Variants in PPFIA2 observed in about 807,000 individuals in gnomAD.
PPFIA2 encodes the protein liprin-alpha-2.
A neutral mutation model predicts 175.5 loss-of-function variants in PPFIA2; 46 were observed. That is an observed-to-expected ratio of 0.26 (90% CI 0.21 to 0.34). PPFIA2 has a LOEUF of 0.34. PPFIA2 is among the 10% of genes least tolerant of loss of function. The pLI, the probability that PPFIA2 is intolerant of heterozygous loss-of-function variation, is 1.00. For synonymous variants in PPFIA2, 568 were observed against 511.4 expected (o/e 1.11, Z -1.49); for missense variants, 1,179 against 1,506.1 (o/e 0.78, Z 3.60).
chr12:81,649,953 A>T (rs1444936987), intron 4 of PPFIA2, among the ~76,000 whole-genome samples: 1 of 152,132 alleles, frequency 6.6e-6, no homozygotes, highest in Non-Finnish European at 1.5e-5. Context: ...ATTGATTGTC[A>T]TGGTGATTAA....
intron 4 of PPFIA2, among the ~76,000 whole-genome samples, chr12:81,642,702 A>ATGTATATATTATATACATACACGTG (rs1567687280): frequency 0.064 from 474 of 7,394 alleles, 171 homozygotes; most frequent in Non-Finnish European, 0.14. Flanking sequence ...ACATACATGT[A>ATGTATATATTATATACATACACGTG]TATGTATGTA....
At position 81,436,173 on chromosome 12, in the gene PPFIA2, C is replaced by T. The variant is rs1350410261; in HGVS notation, c.645+3799G>A. Among the ~76,000 whole-genome samples, 4 of 150,534 alleles carry T rather than the reference C, an allele frequency of 2.7e-5. No homozygotes were observed. The East Asian group carries it at 5.9e-4, about 22-fold the overall frequency. Reference sequence around the variant, plus strand: ...GCATGCAACTGTAGTCCCAGCTACTCGTAAGGCTGAGGCTTGAGGATCACC... The same window carrying T: ...GCATGCAACTGTAGTCCCAGCTACTTGTAAGGCTGAGGCTTGAGGATCACC... On this transcript the variant is annotated intron_variant, in intron 7 of 32. Transcript: ENST00000549396.
intron 3 of PPFIA2, among the ~76,000 whole-genome samples, chr12:81,697,991 T>C (rs1039304269): frequency 1.3e-5 from 2 of 152,146 alleles, no homozygotes; most frequent in Admixed American, 6.6e-5. Context: ...CAGACACATT[T>C]GTTGAGCAAT....
intron 4 of PPFIA2, among the ~76,000 whole-genome samples, chr12:81,524,309 A>T (rs2063496153): frequency 6.6e-6 from 1 of 152,156 alleles, no homozygotes; most frequent in African/African-American, 2.4e-5. Flanking sequence ...GGATGCCTGG[A>T]GCCCTGGAGC....
chr12:81,731,576 C>T (rs1356023813), intron 3 of PPFIA2, among the ~76,000 whole-genome samples: 1 of 151,540 alleles, frequency 6.6e-6, no homozygotes, highest in Non-Finnish European at 1.5e-5. Flanking sequence ...TTTAAAGACA[C>T]TTCAGTTAAT....
intron 7 of PPFIA2, among the ~76,000 whole-genome samples, chr12:81,437,897 T>C (rs2049376943): frequency 6.6e-6 from 1 of 151,852 alleles, no homozygotes; most frequent in South Asian, 2.1e-4. Context: ...GGTTCTTTTC[T>C]TCTATGATGA....
intron 8 of PPFIA2, among the ~76,000 whole-genome samples, chr12:81,403,739 T>C (rs946943159): frequency 6.6e-6 from 1 of 152,142 alleles, no homozygotes; most frequent in Non-Finnish European, 1.5e-5. Context: ...CCAGTAAGCA[T>C]GTATAGGACT....
At chr12:81,475,667 G>T (rs1318877556) in intron 4 of PPFIA2, among the ~76,000 whole-genome samples, 1 of 152,132 alleles carries the variant, frequency 6.6e-6, no homozygotes, top group African/African-American at 2.4e-5. Context: ...TATGAATCAA[G>T]GACTACTTTA....
At chr12:81,480,160 A>C (rs994395233) in intron 4 of PPFIA2, among the ~76,000 whole-genome samples, 5 of 151,964 alleles carry the variant, frequency 3.3e-5, no homozygotes, top group Admixed American at 3.3e-4. Context: ...CATTAAGTTA[A>C]TCTTCAATCT....
At chr12:81,564,092 C>A (rs1315910829) in intron 4 of PPFIA2, among the ~76,000 whole-genome samples, 1 of 152,096 alleles carries the variant, frequency 6.6e-6, no homozygotes, top group Non-Finnish European at 1.5e-5. Flanking sequence ...TCAAACATCA[C>A]ACACTCATTT....
intron 4 of PPFIA2, among the ~76,000 whole-genome samples, chr12:81,623,073 C>A (rs2062250574): frequency 6.6e-6 from 1 of 152,020 alleles, no homozygotes; most frequent in Non-Finnish European, 1.5e-5. Context: ...TGACTATTCT[C>A]TTCCATAACT....
intron 6 of PPFIA2, among the ~76,000 whole-genome samples, chr12:81,441,968 A>C (rs1190972656): frequency 6.6e-6 from 1 of 152,128 alleles, no homozygotes; most frequent in African/African-American, 2.4e-5. Flanking sequence ...AGTCATTCGC[A>C]TAATATAAGA....
intron 8 of PPFIA2, among the ~76,000 whole-genome samples, chr12:81,396,657 A>G (rs2041188473): frequency 6.6e-6 from 1 of 152,114 alleles, no homozygotes; most frequent in South Asian, 2.1e-4. Context: ...AAAATATCAC[A>G]TGCACCATAT....
At chr12:81,357,001 A>C (rs2060962331) in intron 16 of PPFIA2, among the ~76,000 whole-genome samples, 1 of 152,208 alleles carries the variant, frequency 6.6e-6, no homozygotes, top group Non-Finnish European at 1.5e-5. Context: ...GAGGAGGCTG[A>C]GCATAAAAGA....
chr12:81,721,641 C>T (rs2079361499), intron 3 of PPFIA2, among the ~76,000 whole-genome samples: 1 of 151,236 alleles, frequency 6.6e-6, no homozygotes, highest in Admixed American at 6.6e-5. Flanking sequence ...GCTAATTCAA[C>T]CTGAGAGTGA....
intron 4 of PPFIA2, among the ~76,000 whole-genome samples, chr12:81,525,616 C>A (rs2063643893): frequency 6.6e-6 from 1 of 152,002 alleles, no homozygotes; most frequent in African/African-American, 2.4e-5. Context: ...GCAGAAGACT[C>A]ACCTAGATTG....
At chr12:81,504,797 T>C (rs911443092) in intron 4 of PPFIA2, among the ~76,000 whole-genome samples, 1 of 152,138 alleles carries the variant, frequency 6.6e-6, no homozygotes, top group African/African-American at 2.4e-5. Flanking sequence ...ATATATACCA[T>C]GGAATACTAT....
intron 4 of PPFIA2, among the ~76,000 whole-genome samples, chr12:81,519,010 T>C (rs1037485420): frequency 1.3e-5 from 2 of 152,174 alleles, no homozygotes; most frequent in African/African-American, 4.8e-5. Context: ...GAAAAATCAA[T>C]TGTGTAAAGC....
chr12:81,332,661 T>C (rs922079583), intron 21 of PPFIA2, among the ~76,000 whole-genome samples: 5 of 152,216 alleles, frequency 3.3e-5, no homozygotes, highest in African/African-American at 1.2e-4. Flanking sequence ...TGAATAATCG[T>C]ATTTTTAATT....
Sources: gnomAD v4.1 joint callset for allele counts (sites outside exome capture counted in the v4.1 genomes callset) on GRCh38, gnomAD v4.1.1 for gene constraint, MANE v1.5 for transcripts, NCBI Gene and HGNC (gene_info 2026-07-23, HGNC 2026-07-21) for gene names.